The following IFT80 variants were observed in gnomAD, a reference collection of about 807,000 sequenced individuals.
IFT80 encodes the protein intraflagellar transport protein 80 homolog.
Under a neutral mutation model 107.9 loss-of-function variants are expected in IFT80, and 79 were observed. The ratio of observed to expected loss-of-function variants is 0.73; its 90% CI spans 0.61 to 0.88. The LOEUF is 0.88. Among genes scored for constraint, IFT80 ranks in the 40% least tolerant of loss-of-function variants. The pLI is 0.00. For missense variants in IFT80, 797 were observed against 914.2 expected, an observed-to-expected ratio of 0.87 and a Z score of 1.65; for synonymous variants, 299 against 300.9, an observed-to-expected ratio of 0.99 and a Z score of 0.07.
intron 8 of IFT80, among the ~76,000 whole-genome samples, chr3:160,336,118 A>T (rs530246082): frequency 5.3e-5 from 8 of 152,316 alleles, no homozygotes; most frequent in Admixed American, 2.6e-4. Flanking sequence ...TGCTATGAGC[A>T]TTTATGTGAA....
At chr3:160,341,143 C>T (rs1297426700) in intron 8 of IFT80, among the ~76,000 whole-genome samples, 1 of 152,000 alleles carries the variant, frequency 6.6e-6, no homozygotes, top group Non-Finnish European at 1.5e-5. Context: ...GTAGCTACAA[C>T]TACAGGTGCT....
At chr3:160,268,254 A>G in intron 19 of IFT80, among the ~76,000 whole-genome samples, 159 bp downstream of exon 19, 1 of 152,200 alleles carries the variant, frequency 6.6e-6, no homozygotes, top group Admixed American at 6.5e-5. Flanking sequence ...ATTTAGTACT[A>G]TAATTACAGT....
At chr3:160,387,610 T>G (rs555706648) in intron 1 of IFT80, among the ~76,000 whole-genome samples, 1 of 152,276 alleles carries the variant, frequency 6.6e-6, no homozygotes, top group East Asian at 1.9e-4. Context: ...CAGGTTGGAA[T>G]GGGGTGATAT....
chr3:160,303,946 C>T lies in IFT80; in HGVS notation c.1120G>A (p.Gly374Arg). 1 of 1,611,518 alleles carries T rather than the reference C, an allele frequency of 6.2e-7. No homozygotes were observed. Among genetic ancestry groups the T allele is most frequent in the East Asian group, 2.2e-5 (1 of 44,688 alleles). Residue 374 changes from glycine to arginine, a missense_variant, in exon 11 of 20, where the codon GGA becomes AGA. Coordinates refer to ENST00000326448, the MANE Select transcript of IFT80 (RefSeq NM_020800.3). The part of the protein sequence containing the change: ...NTPIIFDLKE[G>R]TVSLILQAER... Reference sequence around the variant, plus strand: ...GCCTGCAGAATCAAACTAACAGTTCCTTCTTTGAGATCAAATATAATTGGT... The same window carrying T: ...GCCTGCAGAATCAAACTAACAGTTCTTTCTTTGAGATCAAATATAATTGGT...
In IFT80 at chr3:160,330,034, G is replaced by A. The variant is rs548587469; in HGVS notation, c.778-10095C>T. ...GAGCTTATTAGAAATGTAAATTCAT[G>A]GACCCTACCCCAAGCTATTGAATCT... On this transcript the variant is annotated intron_variant, in intron 8 of 19. Transcript: ENST00000326448. Among the ~76,000 whole-genome samples, 6 of 152,250 alleles carry A rather than the reference G, an allele frequency of 3.9e-5. No homozygotes were observed. In the South Asian group the frequency reaches 1.2e-3, roughly 32 times the overall value.
At chr3:160,308,278 A>C (rs1331765938) in intron 9 of IFT80, among the ~76,000 whole-genome samples, 1 of 152,166 alleles carries the variant, frequency 6.6e-6, no homozygotes, top group Non-Finnish European at 1.5e-5. Context: ...CATGGTGAAG[A>C]AGCCAAGCTG....
At chr3:160,341,343 T>TA (rs10572114) in intron 8 of IFT80, among the ~76,000 whole-genome samples, 102 of 143,102 alleles carry the variant, frequency 7.1e-4, no homozygotes, top group East Asian at 1.4e-3. Flanking sequence ...TAACAATGAT[T>TA]AAAAAAAAAA....
At chr3:160,288,986 T>A (rs1258348687) in intron 12 of IFT80, among the ~76,000 whole-genome samples, 1 of 152,208 alleles carries the variant, frequency 6.6e-6, no homozygotes, top group Non-Finnish European at 1.5e-5. Flanking sequence ...TAAATCAGTT[T>A]ACCATAAAGA....
At chr3:160,343,807 G>T in intron 8 of IFT80, 1 of 316,824 alleles carries the variant, frequency 3.2e-6, no homozygotes, top group Middle Eastern at 3.9e-4. Flanking sequence ...TCATCTGATG[G>T]AATAAAAACT....
At position 160,301,032 on chromosome 3, in the gene IFT80, AC is replaced by A. The variant is rs769496553; in HGVS notation, c.1165del (p.Val389Ter). On this transcript the variant is annotated frameshift_variant, in exon 12 of 20. Transcript: ENST00000326448. LOFTEE classifies it high-confidence loss of function. ...ATATAAATAGATACTACTACCATCT[AC>A]AAGAAGAAAATGTCTAAAAAATAAA... Reference protein sequence around the residue: ...ILQAERHFLLVDGSSIYLYSY... With the variant: ...ILQAERHFLLXDGSSIYLYSY... 1 of 1,577,938 alleles carries A rather than the reference AC, an allele frequency of 6.3e-7. No individual in the cohort carries two copies. The highest frequency in any genetic ancestry group is 1.4e-5 in the African/African-American group (1 of 73,642).
At chr3:160,361,299 AG>A (rs1388473089) in intron 6 of IFT80, among the ~76,000 whole-genome samples, 1 of 152,250 alleles carries the variant, frequency 6.6e-6, no homozygotes, top group Non-Finnish European at 1.5e-5. Flanking sequence ...CTAATGGTAA[AG>A]GGATCAATTC....
At chr3:160,287,882 C>G (rs1422244566) in intron 12 of IFT80, among the ~76,000 whole-genome samples, 1 of 152,034 alleles carries the variant, frequency 6.6e-6, no homozygotes, top group Non-Finnish European at 1.5e-5. Flanking sequence ...TGGATTCTTG[C>G]CAGTTCAAGG....
At chr3:160,369,128 C>A (rs373546688) in intron 5 of IFT80, among the ~76,000 whole-genome samples, 2 of 151,986 alleles carry the variant, frequency 1.3e-5, no homozygotes, top group East Asian at 3.9e-4. Context: ...AGAGATAATT[C>A]ATTTCCTGCT....
chr3:160,324,671 G>T (rs4616688), intron 8 of IFT80, among the ~76,000 whole-genome samples: 79,484 of 151,604 alleles, frequency 0.52, 21,291 homozygotes, highest in African/African-American at 0.56. Flanking sequence ...ACAGCTAATA[G>T]CATACTGAAT....
chr3:160,333,930 G>T (rs1378078335), intron 8 of IFT80, among the ~76,000 whole-genome samples: 1 of 152,048 alleles, frequency 6.6e-6, no homozygotes, highest in Non-Finnish European at 1.5e-5. Context: ...CAGCGCAGTG[G>T]TATGTTTACA....
At chr3:160,383,643 T>C (rs765177948) in intron 2 of IFT80, 1 of 982,254 alleles carries the variant, frequency 1.0e-6, no homozygotes, top group Non-Finnish European at 1.2e-6. Flanking sequence ...TACCTATTCT[T>C]TCACAGACCT....
At chr3:160,390,986 C>T (rs979579009) in intron 1 of IFT80, among the ~76,000 whole-genome samples, 1 of 152,126 alleles carries the variant, frequency 6.6e-6, no homozygotes, top group Non-Finnish European at 1.5e-5. Flanking sequence ...CATGGTAACA[C>T]CAGGAAGTTA....
chr3:160,333,154 T>C (rs1042900648), intron 8 of IFT80, among the ~76,000 whole-genome samples: 14 of 152,176 alleles, frequency 9.2e-5, no homozygotes, highest in Admixed American at 1.3e-4. Flanking sequence ...TATAATAAAA[T>C]ACATCATTAA....
intron 12 of IFT80, among the ~76,000 whole-genome samples, chr3:160,294,783 TC>T (rs1358747450): frequency 6.6e-6 from 1 of 152,192 alleles, no homozygotes; most frequent in Non-Finnish European, 1.5e-5. Context: ...TCTGAGAATT[TC>T]CCTAAACTCT....
Sources: gnomAD v4.1 joint callset for allele counts (sites outside exome capture counted in the v4.1 genomes callset) on GRCh38, gnomAD v4.1.1 for gene constraint, MANE v1.5 for transcripts, NCBI Gene and HGNC (gene_info 2026-07-23, HGNC 2026-07-21) for gene names.